Variants in CLSTN2 observed in about 807,000 individuals in gnomAD.
The protein encoded by CLSTN2 is calsyntenin-2.
A neutral mutation model predicts 101.2 loss-of-function variants in CLSTN2; 48 were observed. That is an observed-to-expected ratio of 0.47 (90% confidence interval 0.38 to 0.60). The LOEUF (loss-of-function observed/expected upper bound fraction) is 0.60, where lower values mean the gene tolerates loss of function less well. Among genes scored for constraint, CLSTN2 ranks in the 20% least tolerant of loss-of-function variants. The pLI is 0.00. For synonymous variants in CLSTN2, 481 were observed against 463.6 expected (o/e 1.04, Z -0.48); for missense variants, 1,160 against 1,238.2 (o/e 0.94, Z 0.95).
intron 1 of CLSTN2, among the ~76,000 whole-genome samples, chr3:140,166,570 C>A (rs896643951): frequency 2.0e-5 from 3 of 152,104 alleles, no homozygotes; most frequent in Non-Finnish European, 2.9e-5. Context: ...AATCATGAGC[C>A]GCTTGGCCCT....
chr3:140,416,026 T>C (rs2088428194), intron 4 of CLSTN2, among the ~76,000 whole-genome samples: 1 of 152,130 alleles, frequency 6.6e-6, no homozygotes, highest in Non-Finnish European at 1.5e-5. Flanking sequence ...TACTCAGCGT[T>C]AAAAAAGAAG....
At chr3:140,335,406 T>A (rs2087430130) in intron 2 of CLSTN2, among the ~76,000 whole-genome samples, 1 of 151,792 alleles carries the variant, frequency 6.6e-6, no homozygotes, top group Admixed American at 6.6e-5. Context: ...GTAGGGAAGT[T>A]ATTGAGGAAA....
intron 2 of CLSTN2, among the ~76,000 whole-genome samples, chr3:140,246,636 AC>A (rs1433578288): frequency 6.6e-6 from 1 of 152,208 alleles, no homozygotes; most frequent in East Asian, 1.9e-4. Flanking sequence ...AGTGCATTTA[AC>A]ACTGGTGATA....
chr3:140,350,089 C>T (rs2087589311), intron 2 of CLSTN2, among the ~76,000 whole-genome samples: 1 of 152,214 alleles, frequency 6.6e-6, no homozygotes, highest in South Asian at 2.1e-4. Flanking sequence ...ACACGCACAC[C>T]TTGCAATCTC....
intron 2 of CLSTN2, among the ~76,000 whole-genome samples, chr3:140,387,818 T>A (rs2088069930): frequency 6.6e-6 from 1 of 152,258 alleles, no homozygotes; most frequent in Non-Finnish European, 1.5e-5. Flanking sequence ...ATAGTAGACG[T>A]GGGCTACATT....
chr3:140,089,247 C>A (rs752875397), intron 1 of CLSTN2, among the ~76,000 whole-genome samples: 22 of 152,116 alleles, frequency 1.4e-4, no homozygotes, highest in Non-Finnish European at 3.2e-4. Flanking sequence ...CTCTGTGTGG[C>A]CTTGTGTGCC....
Position 140,403,667 on chromosome 3 carries a change from C to T in CLSTN2, c.271C>T (p.Pro91Ser). The T allele has an allele frequency of 1.9e-6, 3 of 1,613,876 alleles. No homozygotes were observed. The highest frequency in any genetic ancestry group is 1.1e-5 in the South Asian group (1 of 91,028). ...CAFKIHGQEL[P>S]FEAVVLNKTS... ...GTTCAAGATCCATGGCCAGGAGCTG[C>T]CCTTTGAGGCTGTGGTGCTCAACAA... The change falls in exon 3 of 17, where the codon CCC becomes TCC. Residue 91 changes from proline (P) to serine (S), a missense_variant. By Grantham distance (74) the Pro-to-Ser change is moderately conservative. Coordinates refer to ENST00000458420, the MANE Select transcript of CLSTN2 (RefSeq NM_022131.3).
intron 4 of CLSTN2, among the ~76,000 whole-genome samples, chr3:140,407,190 C>A (rs1243400318): frequency 1.3e-5 from 2 of 152,180 alleles, no homozygotes; most frequent in Non-Finnish European, 2.9e-5. Flanking sequence ...ATCAGTTTCT[C>A]TGAGCGACCT....
chr3:140,197,521 T>C (rs1163143683), intron 2 of CLSTN2, among the ~76,000 whole-genome samples: 2 of 152,206 alleles, frequency 1.3e-5, no homozygotes, highest in African/African-American at 4.8e-5. Flanking sequence ...GAAATCACGC[T>C]GTCAGGTAAA....
intron 2 of CLSTN2, among the ~76,000 whole-genome samples, chr3:140,400,440 C>T (rs1387791626): frequency 6.6e-6 from 1 of 152,192 alleles, no homozygotes; most frequent in Non-Finnish European, 1.5e-5. Context: ...GTGGCTCACA[C>T]CTGTAATCCC....
At chr3:139,957,666 G>A (rs1576376245) in intron 1 of CLSTN2, among the ~76,000 whole-genome samples, 1 of 152,128 alleles carries the variant, frequency 6.6e-6, no homozygotes, top group Non-Finnish European at 1.5e-5. Context: ...CTTAGAGCAT[G>A]GGGGACTTTA....
chr3:140,084,940 T>C (rs1436398645), intron 1 of CLSTN2, among the ~76,000 whole-genome samples: 1 of 152,222 alleles, frequency 6.6e-6, no homozygotes, highest in African/African-American at 2.4e-5. Context: ...CACATAAGCA[T>C]GTGTGTGAGT....
intron 2 of CLSTN2, among the ~76,000 whole-genome samples, chr3:140,259,657 C>T (rs890717145): frequency 2.0e-5 from 3 of 152,008 alleles, no homozygotes; most frequent in Admixed American, 6.6e-5. Context: ...CCCATCTACC[C>T]GACAGGCAAC....
chr3:140,126,337 T>A (rs1461902993), intron 1 of CLSTN2, among the ~76,000 whole-genome samples: 1 of 151,848 alleles, frequency 6.6e-6, no homozygotes, highest in Non-Finnish European at 1.5e-5. Context: ...GAGCTGGAGT[T>A]TGAGGATGAA....
chr3:140,560,104 C>T (rs1389913411), intron 12 of CLSTN2, among the ~76,000 whole-genome samples: 1 of 152,202 alleles, frequency 6.6e-6, no homozygotes, highest in Non-Finnish European at 1.5e-5. Context: ...TCTGGGTTCA[C>T]ATTTCGTCTT....
intron 6 of CLSTN2, among the ~76,000 whole-genome samples, chr3:140,450,944 A>G (rs1427784): frequency 0.13 from 20,014 of 152,140 alleles, 1,667 homozygotes; most frequent in South Asian, 0.26. Flanking sequence ...CACAACTTCA[A>G]TATTCCATAC....
chr3:140,045,942 G>T (rs1183355812), intron 1 of CLSTN2, among the ~76,000 whole-genome samples: 1 of 152,170 alleles, frequency 6.6e-6, no homozygotes, highest in Non-Finnish European at 1.5e-5. Flanking sequence ...TTCCAACTAC[G>T]TGGTCAGTTT....
intron 2 of CLSTN2, among the ~76,000 whole-genome samples, chr3:140,227,454 C>T (rs369118360): frequency 9.8e-5 from 15 of 152,300 alleles, no homozygotes; most frequent in East Asian, 1.9e-4. Flanking sequence ...GCTTCCCTCC[C>T]GGCTGTCCTC....
chr3:140,169,462 T>C (rs2010180235), intron 1 of CLSTN2, among the ~76,000 whole-genome samples: 1 of 152,162 alleles, frequency 6.6e-6, no homozygotes, highest in Admixed American at 6.6e-5. Context: ...TTAATATTTT[T>C]TCTTGCCTTA....
Sources: allele counts gnomAD v4.1 joint callset (sites outside exome capture counted in the v4.1 genomes callset), GRCh38; gene constraint gnomAD v4.1.1; transcripts MANE v1.5; gene names NCBI Gene and HGNC (gene_info 2026-07-23, HGNC 2026-07-21).